NKAIN3: variants seen among roughly 807,000 people sequenced by gnomAD.
NKAIN3 encodes the protein sodium/potassium transporting ATPase interacting 3.
Under a neutral mutation model 30.2 loss-of-function variants are expected in NKAIN3, and 25 were observed. That is an observed-to-expected ratio of 0.83 (90% CI 0.60 to 1.16). The LOEUF (loss-of-function observed/expected upper bound fraction) is 1.16. Among genes scored for constraint, NKAIN3 ranks in the 50% most tolerant of loss-of-function variants. The probability of loss-of-function intolerance (pLI) is 0.00; values close to 1 mark genes in which losing one functional copy is unlikely to be tolerated. For missense variants in NKAIN3, 225 were observed against 254.1 expected, an observed-to-expected ratio of 0.89 and a Z score of 0.78; for synonymous variants, 91 against 89.6, an observed-to-expected ratio of 1.02 and a Z score of -0.09.
At chr8:62,719,623 T>C (rs1324963921) in intron 3 of NKAIN3, among the ~76,000 whole-genome samples, 1 of 152,206 alleles carries the variant, frequency 6.6e-6, no homozygotes, top group Non-Finnish European at 1.5e-5. Flanking sequence ...TTGTTCTGAA[T>C]TGATTTTCAG....
intron 1 of NKAIN3, among the ~76,000 whole-genome samples, chr8:62,319,903 C>T (rs1229753654): frequency 2.0e-5 from 3 of 152,010 alleles, no homozygotes; most frequent in African/African-American, 7.3e-5. Context: ...CTTTCTGTCT[C>T]GTTGATCTGT....
rs147173421 is a variant in NKAIN3, at chr8:62,455,109, G to A, written c.55-124430G>A. Among the ~76,000 whole-genome samples the A allele has an allele frequency of 1.8e-3, 280 of 152,326 alleles. 1 individual carries two copies. The highest frequency in any genetic ancestry group is 6.3e-3 in the African/African-American group (262 of 41,570). On this transcript the variant is annotated intron_variant, in intron 1 of 6. Transcript: ENST00000623646. ...GTCTTGGTAGGATAAAGTCAGAGAA[G>A]AGGTAGAGAAAATTCTGGGGGATGT...
At chr8:62,341,141 G>A (rs1000658623) in intron 1 of NKAIN3, among the ~76,000 whole-genome samples, 14 of 151,978 alleles carry the variant, frequency 9.2e-5, no homozygotes, top group African/African-American at 3.4e-4. Flanking sequence ...ATTAATTTGA[G>A]CTTTCAAAGA....
At chr8:62,430,500 T>C (rs1215325398) in intron 1 of NKAIN3, among the ~76,000 whole-genome samples, 2 of 151,570 alleles carry the variant, frequency 1.3e-5, no homozygotes, top group African/African-American at 2.4e-5. Context: ...ATTTTTAATG[T>C]TTTGATGAAC....
chr8:62,568,167 T>G (rs1666645515), intron 1 of NKAIN3, among the ~76,000 whole-genome samples: 1 of 152,190 alleles, frequency 6.6e-6, no homozygotes, highest in Admixed American at 6.5e-5. Flanking sequence ...TATTTCTTCC[T>G]ACATTTTATG....
At chr8:62,461,419 G>A (rs1377534617) in intron 1 of NKAIN3, among the ~76,000 whole-genome samples, 2 of 152,054 alleles carry the variant, frequency 1.3e-5, no homozygotes, top group Non-Finnish European at 2.9e-5. Context: ...TAAATACCAC[G>A]ACATTCAAAG....
intron 1 of NKAIN3, among the ~76,000 whole-genome samples, chr8:62,460,040 T>A (rs1025058335): frequency 6.6e-6 from 1 of 152,192 alleles, no homozygotes; most frequent in Non-Finnish European, 1.5e-5. Context: ...TATAATAGAA[T>A]GGTTAAGAGA....
intron 1 of NKAIN3, among the ~76,000 whole-genome samples, chr8:62,390,534 G>T (rs1048688364): frequency 2.6e-5 from 4 of 152,182 alleles, no homozygotes; most frequent in African/African-American, 9.7e-5. Context: ...ATAATAGAAT[G>T]ATTTATATTC....
intron 3 of NKAIN3, among the ~76,000 whole-genome samples, chr8:62,694,941 T>C (rs1017424216): frequency 3.3e-5 from 5 of 152,200 alleles, no homozygotes; most frequent in Non-Finnish European, 7.3e-5. Context: ...ATTAGAGATC[T>C]TCAAACTTGC....
intron 4 of NKAIN3, among the ~76,000 whole-genome samples, chr8:62,797,028 T>A (rs1817884873): frequency 6.6e-6 from 1 of 152,228 alleles, no homozygotes; most frequent in Non-Finnish European, 1.5e-5. Context: ...CTCTGTGATA[T>A]AACAGGAATT....
intron 3 of NKAIN3, among the ~76,000 whole-genome samples, chr8:62,719,312 A>AGAGTATT (rs1563530509): frequency 6.6e-6 from 1 of 152,224 alleles, no homozygotes; most frequent in African/African-American, 2.4e-5. Flanking sequence ...CAAAAAGAGT[A>AGAGTATT]GAGTATTGTG....
At position 62,981,736 on chromosome 8, in the gene NKAIN3, C is replaced by A. The variant is rs1288096923; in HGVS notation, c.*16329C>A. On this transcript the variant is annotated 3_prime_UTR_variant, in exon 7 of 7. Transcript: ENST00000623646. ...GTGTGGCAACCTTATGTATCCACAA[C>A]AGAACTAAGGACCGAAAAAAAAAAA... 21 of 125,342 alleles carry A rather than the reference C, an allele frequency of 1.7e-4. No homozygotes were observed. Among genetic ancestry groups the A allele is most frequent in the Non-Finnish European group, 2.4e-4 (15 of 61,444 alleles). 7.8% of individuals were successfully genotyped at this position (125,342 alleles called of 1,614,324 possible). A position where few individuals can be genotyped will look rare whatever the true frequency, so the allele number is the denominator to read the frequency against.
chr8:62,919,206 T>A (rs4739024), intron 5 of NKAIN3, among the ~76,000 whole-genome samples: 134,009 of 135,492 alleles, frequency 0.99, 66,265 homozygotes, highest in East Asian at 0.99. Context: ...AGGGACTCAC[T>A]TTTTTTTATT....
chr8:62,529,435 A>G (rs1808418838), intron 1 of NKAIN3, among the ~76,000 whole-genome samples: 1 of 152,122 alleles, frequency 6.6e-6, no homozygotes, highest in South Asian at 2.1e-4. Flanking sequence ...AATCCTAACA[A>G]CGAACGTGAT....
chr8:62,627,406 C>T (rs775898010), intron 3 of NKAIN3, among the ~76,000 whole-genome samples: 42 of 152,068 alleles, frequency 2.8e-4, no homozygotes, highest in Non-Finnish European at 4.1e-4. Context: ...CTGCTTTCCT[C>T]ATAGACCTGG....
chr8:62,391,576 A>G (rs1384478365), intron 1 of NKAIN3, among the ~76,000 whole-genome samples: 1 of 152,090 alleles, frequency 6.6e-6, no homozygotes, highest in Non-Finnish European at 1.5e-5. Context: ...ATACATAGAA[A>G]TGGAATAAAA....
intron 4 of NKAIN3, among the ~76,000 whole-genome samples, chr8:62,778,769 A>G (rs887102747): frequency 6.6e-6 from 1 of 151,728 alleles, no homozygotes; most frequent in Non-Finnish European, 1.5e-5. Flanking sequence ...TCTTTTCTCA[A>G]GCAGAAAGAG....
chr8:62,421,700 C>T (rs1804647295), intron 1 of NKAIN3, among the ~76,000 whole-genome samples: 1 of 151,980 alleles, frequency 6.6e-6, no homozygotes, highest in South Asian at 2.1e-4. Context: ...GGAAACCAGG[C>T]TGTAGCTCCT....
intron 1 of NKAIN3, among the ~76,000 whole-genome samples, chr8:62,378,496 G>C (rs899756797): frequency 1.3e-5 from 2 of 152,300 alleles, no homozygotes; most frequent in Middle Eastern, 3.4e-3. Flanking sequence ...CACAGGCCTG[G>C]AGGCCTAGGA....
Sources: allele counts gnomAD v4.1 joint callset (sites outside exome capture counted in the v4.1 genomes callset), GRCh38; gene constraint gnomAD v4.1.1; transcripts MANE v1.5; gene names NCBI Gene and HGNC (gene_info 2026-07-23, HGNC 2026-07-21).